ACYP2: variants seen among roughly 807,000 people sequenced by gnomAD.
ACYP2 encodes acylphosphatase 2.
Under a neutral mutation model 11.2 loss-of-function variants are expected in ACYP2, and 12 were observed. The observed-to-expected ratio is 1.08, with a 90% CI of 0.69 to 1.74. The LOEUF is 1.74. Ranked by LOEUF, ACYP2 falls within the 40% of genes most tolerant of loss-of-function variation. The pLI is 0.00. For synonymous variants in ACYP2, 43 were observed against 32.2 expected (o/e 1.33, Z -1.13); for missense variants, 134 against 101.9 (o/e 1.31, Z -1.35).
At chr2:54,234,134 T>C (rs952187791) in intron 6 of ACYP2, among the ~76,000 whole-genome samples, 1 of 152,180 alleles carries the variant, frequency 6.6e-6, no homozygotes, top group African/African-American at 2.4e-5. Flanking sequence ...TGTTTGATGA[T>C]AGGAATAAGA....
intron 6 of ACYP2, among the ~76,000 whole-genome samples, chr2:54,245,296 A>G (rs1686899315): frequency 6.6e-6 from 1 of 152,096 alleles, no homozygotes; most frequent in South Asian, 2.1e-4. Flanking sequence ...TGGACATTTA[A>G]GTTGATTCCT....
intron 6 of ACYP2, among the ~76,000 whole-genome samples, chr2:54,276,231 C>G (rs1191097844): frequency 1.4e-5 from 2 of 142,526 alleles, no homozygotes; most frequent in Admixed American, 7.3e-5. Context: ...AAGACCCTTC[C>G]CCTCTGGCCA....
At chr2:54,064,130 T>A (rs1291932979) in intron 4 of ACYP2, among the ~76,000 whole-genome samples, 1 of 152,198 alleles carries the variant, frequency 6.6e-6, no homozygotes, top group Non-Finnish European at 1.5e-5. Flanking sequence ...TATGAAGGAA[T>A]GAGCCACCAC....
chr2:54,254,583 A>G (rs1572998673), intron 6 of ACYP2: 2 of 240,832 alleles, frequency 8.3e-6, no homozygotes, highest in East Asian at 1.9e-4. Flanking sequence ...AAATCCAAGT[A>G]GGAGGAGCCA....
At chr2:54,150,835 G>A (rs868402050) in intron 6 of ACYP2, among the ~76,000 whole-genome samples, 10 of 150,590 alleles carry the variant, frequency 6.6e-5, no homozygotes, top group African/African-American at 2.5e-4. Context: ...TCCGCCTCCC[G>A]GGTTCATACC....
chr2:54,269,860 AATTAT>A (rs1337174151), intron 6 of ACYP2, among the ~76,000 whole-genome samples: 8 of 152,178 alleles, frequency 5.3e-5, no homozygotes, highest in African/African-American at 1.7e-4. Context: ...GTATAATATG[AATTAT>A]ATTAAATAAC....
chr2:54,154,023 A>T (rs1344812676), intron 6 of ACYP2, among the ~76,000 whole-genome samples: 2 of 150,026 alleles, frequency 1.3e-5, no homozygotes, highest in Non-Finnish European at 1.5e-5. Flanking sequence ...CAGAGCTTTC[A>T]TCTCATTGGT....
At chr2:54,168,154 G>A (rs1683076115) in intron 6 of ACYP2, among the ~76,000 whole-genome samples, 2 of 152,168 alleles carry the variant, frequency 1.3e-5, no homozygotes, top group Admixed American at 1.3e-4. Flanking sequence ...GCCAGGCACA[G>A]TGGCTCACAC....
intron 4 of ACYP2, among the ~76,000 whole-genome samples, chr2:54,101,589 G>A (rs1326344279): frequency 4.0e-5 from 6 of 150,554 alleles, no homozygotes; most frequent in African/African-American, 1.5e-4. Flanking sequence ...CTGTAGAATC[G>A]CTTGAACCTG....
chr2:54,034,627 T>C (rs1674774216), intron 2 of ACYP2, among the ~76,000 whole-genome samples: 1 of 152,160 alleles, frequency 6.6e-6, no homozygotes, highest in African/African-American at 2.4e-5. Flanking sequence ...TCTCAGAACA[T>C]ATTCTCAATG....
In ACYP2 at chr2:53,985,920, G is replaced by A. The variant is rs537768502; in HGVS notation, c.62+12110G>A. 3.0e-4 allele frequency among the ~76,000 whole-genome samples: 46 copies of A among 152,232 alleles called. No individual in the cohort carries two copies. The South Asian group carries it at 9.3e-3, about 31-fold the overall frequency. ...GGAAGCCGAGGTGGGAGGAGTACTT[G>A]AGGTCAGGAATTTGAGACCAGCCTG... On this transcript the variant is annotated intron_variant, in intron 2 of 6. Coordinates refer to ENST00000607452, the MANE Select transcript of ACYP2 (RefSeq NM_001320586.2).
At chr2:54,044,366 G>A (rs932526916) in intron 2 of ACYP2, among the ~76,000 whole-genome samples, 3 of 152,126 alleles carry the variant, frequency 2.0e-5, no homozygotes, top group East Asian at 3.9e-4. Context: ...AGGCTGAGGC[G>A]GGTAGATCAC....
At chr2:54,027,817 T>C (rs1189463897) in intron 2 of ACYP2, among the ~76,000 whole-genome samples, 1 of 149,218 alleles carries the variant, frequency 6.7e-6, no homozygotes, top group Non-Finnish European at 1.5e-5. Context: ...TATTTAGTCA[T>C]CATGTTTCTT....
At chr2:54,075,580 A>G (rs1677293990) in intron 4 of ACYP2, among the ~76,000 whole-genome samples, 1 of 152,076 alleles carries the variant, frequency 6.6e-6, no homozygotes, top group Non-Finnish European at 1.5e-5. Context: ...TGGGAGGCCA[A>G]GGCAGGAGGA....
At chr2:54,031,078 A>T (rs529050614) in intron 2 of ACYP2, among the ~76,000 whole-genome samples, 51 of 152,272 alleles carry the variant, frequency 3.3e-4, no homozygotes, top group African/African-American at 7.7e-4. Flanking sequence ...TCAGCAGGTT[A>T]TGTCTCATTG....
At chr2:54,244,942 C>T (rs1686884286) in intron 6 of ACYP2, among the ~76,000 whole-genome samples, 1 of 152,130 alleles carries the variant, frequency 6.6e-6, no homozygotes, top group Non-Finnish European at 1.5e-5. Context: ...ATATTGTTAA[C>T]TATAGTCACC....
intron 2 of ACYP2, among the ~76,000 whole-genome samples, chr2:54,003,442 T>A (rs554682881): frequency 6.6e-6 from 1 of 151,992 alleles, no homozygotes; most frequent in South Asian, 2.1e-4. Context: ...GTATTTTTAG[T>A]ATAGATGGGG....
At chr2:54,028,195 T>A (rs1222841206) in intron 2 of ACYP2, among the ~76,000 whole-genome samples, 9 of 152,098 alleles carry the variant, frequency 5.9e-5, no homozygotes, top group Admixed American at 5.9e-4. Flanking sequence ...TTCTCAGACT[T>A]TTTTTGTTTT....
intron 4 of ACYP2, among the ~76,000 whole-genome samples, chr2:54,061,312 A>G (rs1225033470): frequency 6.6e-6 from 1 of 152,190 alleles, no homozygotes; most frequent in African/African-American, 2.4e-5. Context: ...CCTGGTAAAA[A>G]CACTTAATTC....
Sources: gnomAD v4.1 joint callset for allele counts (sites outside exome capture counted in the v4.1 genomes callset) on GRCh38, gnomAD v4.1.1 for gene constraint, MANE v1.5 for transcripts, NCBI Gene and HGNC (gene_info 2026-07-23, HGNC 2026-07-21) for gene names.